Variants in VSTM4 observed in about 807,000 individuals in gnomAD.
VSTM4 encodes V-set and transmembrane domain-containing protein 4.
VSTM4 carries 20 observed loss-of-function variants against 36.4 expected under a neutral mutation model. The observed-to-expected ratio is 0.55, with a 90% CI of 0.39 to 0.80. The LOEUF is 0.80. Ranked by LOEUF, VSTM4 falls within the 30% of genes least tolerant of loss-of-function variation. The probability of loss-of-function intolerance (pLI) is 0.00; values close to 1 mark genes in which losing one functional copy is unlikely to be tolerated. For missense variants in VSTM4, 392 were observed against 404.5 expected, an observed-to-expected ratio of 0.97 and a Z score of 0.26; for synonymous variants, 182 against 173.9, an observed-to-expected ratio of 1.05 and a Z score of -0.37.
At chr10:49,023,353 A>G (rs1180337279) in intron 7 of VSTM4, among the ~76,000 whole-genome samples, 1 of 152,224 alleles carries the variant, frequency 6.6e-6, no homozygotes, top group Non-Finnish European at 1.5e-5. Context: ...ATAAATTCCT[A>G]ATGGCCAATG....
chr10:49,055,831 G>A (rs61850690), intron 5 of VSTM4, among the ~76,000 whole-genome samples: 26,472 of 152,244 alleles, frequency 0.17, 2,637 homozygotes, highest in Non-Finnish European at 0.23. Flanking sequence ...TGTGTCTAGT[G>A]CACAGTAAGT....
At chr10:49,076,279 G>A (rs1012536175) in intron 4 of VSTM4, among the ~76,000 whole-genome samples, 8 of 152,296 alleles carry the variant, frequency 5.3e-5, no homozygotes, top group East Asian at 1.9e-4. Flanking sequence ...CAGGACATTC[G>A]CTGGAGCCTG....
chr10:49,096,120 AAATGT>A (rs1844566234), intron 2 of VSTM4, among the ~76,000 whole-genome samples: 2 of 152,218 alleles, frequency 1.3e-5, no homozygotes, highest in Admixed American at 1.3e-4. Flanking sequence ...CAGAAGCCCT[AAATGT>A]TTAGTAAATC....
intron 5 of VSTM4, among the ~76,000 whole-genome samples, chr10:49,061,474 G>A (rs992056645): frequency 3.3e-5 from 5 of 152,066 alleles, no homozygotes; most frequent in African/African-American, 1.2e-4. Context: ...GTAGATGAGG[G>A]GGAGGAATTG....
chr10:49,079,203 T>C lies in VSTM4; in HGVS notation c.527-1877A>G, dbSNP rs572985029. The stretch of plus-strand genomic sequence containing the variant: ...AAGTTGAACAGTTAAACCATGTTCA[T>C]GTACATACATCTCTTTTAGAGATAA... On this transcript the variant is annotated intron_variant, in intron 3 of 7. Transcript: ENST00000332853. 2.6e-5 allele frequency among the ~76,000 whole-genome samples: 4 copies of C among 151,990 alleles called. No individual in the cohort carries two copies. In the East Asian group the frequency reaches 7.8e-4, roughly 30 times the overall value.
chr10:49,035,281 A>C (rs532762034), intron 7 of VSTM4, among the ~76,000 whole-genome samples: 1 of 152,328 alleles, frequency 6.6e-6, no homozygotes, highest in South Asian at 2.1e-4. Context: ...CCTGCCTATC[A>C]GCGCTCAACA....
intron 7 of VSTM4, among the ~76,000 whole-genome samples, chr10:49,040,742 G>A (rs1450242107): frequency 1.3e-5 from 2 of 152,168 alleles, no homozygotes; most frequent in African/African-American, 2.4e-5. Flanking sequence ...ATAAAGATAC[G>A]TGCTTTTCAC....
chr10:49,055,031 C>T (rs1843755287), intron 5 of VSTM4, among the ~76,000 whole-genome samples: 2 of 152,142 alleles, frequency 1.3e-5, no homozygotes, highest in Admixed American at 6.5e-5. Context: ...AGTAGATGCC[C>T]CTCCTCCTGG....
rs919670572 is a variant in VSTM4, at chr10:49,115,266, A to G, written c.55+165T>C. On this transcript the variant is annotated intron_variant, in intron 1 of 7. Coordinates refer to ENST00000332853, the MANE Select transcript of VSTM4 (RefSeq NM_001031746.5). ...GGGGAGGCGCCGCTGCGCCCGCCAG[A>G]CCCTCGGCGAGCCCACCGGAGCGCG... Among the ~76,000 whole-genome samples, 3 of 151,572 alleles carry G rather than the reference A, an allele frequency of 2.0e-5. No homozygotes were observed. The South Asian group carries it at 6.2e-4, about 31-fold the overall frequency.
chr10:49,099,397 G>A lies in VSTM4; in HGVS notation c.457+8197C>T, dbSNP rs114853380. The stretch of plus-strand genomic sequence containing the variant: ...TTATTTCCTGCCTATATTTCTTACC[G>A]CTCTGGAATCATTTTTATCATGTGT... On this transcript the variant is annotated intron_variant, in intron 2 of 7. Coordinates refer to ENST00000332853, the MANE Select transcript of VSTM4 (RefSeq NM_001031746.5). Among the ~76,000 whole-genome samples the A allele has an allele frequency of 3.0e-3, 460 of 152,162 alleles. 7 individuals are homozygous for A. The highest frequency in any genetic ancestry group is 0.011 in the African/African-American group (437 of 41,488).
chr10:49,040,817 T>C (rs946099113), intron 7 of VSTM4, among the ~76,000 whole-genome samples: 4 of 152,164 alleles, frequency 2.6e-5, no homozygotes, highest in Admixed American at 2.6e-4. Flanking sequence ...AATGGAGGCT[T>C]TCCCTGTGAG....
At chr10:49,035,378 A>C (rs1843411668) in intron 7 of VSTM4, among the ~76,000 whole-genome samples, 1 of 152,218 alleles carries the variant, frequency 6.6e-6, no homozygotes, top group South Asian at 2.1e-4. Context: ...CATAGTCCTG[A>C]GGGGGCCAAT....
intron 4 of VSTM4, among the ~76,000 whole-genome samples, chr10:49,068,627 C>T (rs1055440563): frequency 6.6e-6 from 1 of 152,112 alleles, no homozygotes; most frequent in African/African-American, 2.4e-5. Flanking sequence ...TGAGAGTCAC[C>T]CTTAAATATG....
At chr10:49,090,199 T>A (rs942365437) in intron 2 of VSTM4, among the ~76,000 whole-genome samples, 1 of 152,242 alleles carries the variant, frequency 6.6e-6, no homozygotes, top group African/African-American at 2.4e-5. Flanking sequence ...CAGTTTCCAA[T>A]GAGTTCAGCA....
intron 2 of VSTM4, among the ~76,000 whole-genome samples, chr10:49,092,905 G>C (rs1844501971): frequency 1.3e-5 from 2 of 152,180 alleles, no homozygotes; most frequent in Admixed American, 1.3e-4. Flanking sequence ...ACATCGACCA[G>C]TGGGACCAGG....
At chr10:49,109,165 G>A (rs1403253143) in intron 1 of VSTM4, among the ~76,000 whole-genome samples, 2 of 152,142 alleles carry the variant, frequency 1.3e-5, no homozygotes, top group African/African-American at 2.4e-5. Flanking sequence ...TCATCCCAAA[G>A]CACAGCTTTC....
intron 3 of VSTM4, among the ~76,000 whole-genome samples, chr10:49,085,050 C>T (rs142440910): frequency 2.0e-5 from 3 of 152,238 alleles, no homozygotes; most frequent in African/African-American, 7.2e-5. Context: ...TGTTGAGAAC[C>T]CCTGCCCTAA....
At chr10:49,084,986 A>G (rs1844344926) in intron 3 of VSTM4, among the ~76,000 whole-genome samples, 1 of 152,246 alleles carries the variant, frequency 6.6e-6, no homozygotes, top group Non-Finnish European at 1.5e-5. Flanking sequence ...TGTGACAACC[A>G]AAGATACATG....
At chr10:49,061,086 G>A (rs1021213308) in intron 5 of VSTM4, among the ~76,000 whole-genome samples, 1 of 152,158 alleles carries the variant, frequency 6.6e-6, no homozygotes, top group Admixed American at 6.5e-5. Context: ...TTGGACAGAA[G>A]AACTGTAAGT....
Sources: gnomAD v4.1 joint callset for allele counts (sites outside exome capture counted in the v4.1 genomes callset) on GRCh38, gnomAD v4.1.1 for gene constraint, MANE v1.5 for transcripts, NCBI Gene and HGNC (gene_info 2026-07-23, HGNC 2026-07-21) for gene names.